GPR157: variants seen among roughly 807,000 people sequenced by gnomAD.
The protein encoded by GPR157 is G protein-coupled receptor 157, also known as G-protein coupled receptor 157.
GPR157 carries 16 observed loss-of-function variants against 23.5 expected under a neutral mutation model. The ratio of observed to expected loss-of-function variants is 0.68; its 90% confidence interval spans 0.46 to 1.04. The LOEUF (loss-of-function observed/expected upper bound fraction) is 1.04, where lower values mean the gene tolerates loss of function less well. GPR157 is among the 50% of genes least tolerant of loss of function. The pLI, the probability that GPR157 is intolerant of heterozygous loss-of-function variation, is 0.00. For missense variants in GPR157, 440 were observed against 460.7 expected (o/e 0.96, Z 0.41); for synonymous variants, 200 against 221.5 (o/e 0.90, Z 0.86).
Position 9,120,302 on chromosome 1 carries a change from C to T in GPR157, c.383+8343G>A, listed in dbSNP as rs1412190294. ...CAAACTTCATCCTTCCTACAGATCT[C>T]TGGGGGCTGGCACCTGCCAGGAGGA... On this transcript the variant is annotated intron_variant, in intron 1 of 3. Transcript: ENST00000377411. This position sits in a 1 kb window ranked among gnomAD's most constrained non-coding sequence, Gnocchi z 4.1. Among the ~76,000 whole-genome samples, 1 of 152,164 alleles carries T rather than the reference C, an allele frequency of 6.6e-6. No homozygotes were observed. Among genetic ancestry groups the T allele is most frequent in the Admixed American group, 6.5e-5 (1 of 15,276 alleles).
chr1:9,125,910 C>T (rs1056965431), intron 1 of GPR157, among the ~76,000 whole-genome samples: 1 of 151,368 alleles, frequency 6.6e-6, no homozygotes, highest in African/African-American at 2.4e-5. Context: ...TTCACACCAT[C>T]AATAATACTG....
At chr1:9,124,179 C>T (rs1447249186) in intron 1 of GPR157, among the ~76,000 whole-genome samples, 2 of 152,132 alleles carry the variant, frequency 1.3e-5, no homozygotes, top group African/African-American at 2.4e-5. Flanking sequence ...AAACCTGTTA[C>T]AGCCAAAAGA....
chr1:9,123,189 AT>A (rs1638840029), intron 1 of GPR157, among the ~76,000 whole-genome samples: 2 of 134,178 alleles, frequency 1.5e-5, no homozygotes, highest in Admixed American at 8.5e-5. Flanking sequence ...ATATATATAT[AT>A]ATAAATAAAA....
rs1009333522 is a variant in GPR157 at position 9,120,573 on chromosome 1, G to A, written c.383+8072C>T. Among the ~76,000 whole-genome samples the A allele has an allele frequency of 8.5e-5, 13 of 152,178 alleles. No individual in the cohort carries two copies. The highest frequency in any genetic ancestry group is 3.1e-4 in the African/African-American group (13 of 41,424). ...TGGACACTTATTGTCCAGCTCCAGC[G>A]GCAGAAGGGTCAGGACTTGGGAGAA... On this transcript the variant is annotated intron_variant, in intron 1 of 3. Coordinates refer to ENST00000377411, the MANE Select transcript of GPR157 (RefSeq NM_024980.5). The surrounding 1 kb of genome is among the most constrained non-coding windows in gnomAD (Gnocchi z 4.1).
chr1:9,125,214 T>C (rs1638939030), intron 1 of GPR157, among the ~76,000 whole-genome samples: 2 of 152,062 alleles, frequency 1.3e-5, no homozygotes, highest in Admixed American at 1.3e-4. Context: ...GGTTACTTTT[T>C]TTTTCTTTTT....
chr1:9,121,597 G>A (rs550896848), intron 1 of GPR157, among the ~76,000 whole-genome samples: 78 of 146,676 alleles, frequency 5.3e-4, no homozygotes, highest in Middle Eastern at 4.0e-3. Context: ...CCGAGATTGC[G>A]CCACTTCACT....
Position 9,104,384 on chromosome 1 carries a change from C to CA in GPR157, c.*34dup. 1 of 1,533,098 alleles carries CA rather than the reference C, an allele frequency of 6.5e-7. No individual in the cohort carries two copies. Among genetic ancestry groups the CA allele is most frequent in the Middle Eastern group, 1.7e-4 (1 of 5,840 alleles). 95.0% of individuals were successfully genotyped at this position (1,533,098 alleles called of 1,614,324 possible). ...ACAGAAGTGCCTACCCCCAGGAAGG[C>CA]AGCACCTATGCACAGAACTAGAAAG... is the stretch of plus-strand genomic sequence containing the variant. On this transcript the variant is annotated 3_prime_UTR_variant, in exon 4 of 4. Coordinates refer to ENST00000377411, the MANE Select transcript of GPR157 (RefSeq NM_024980.5).
rs1246035322 is a variant in GPR157, at chr1:9,123,214, T to A, written c.383+5431A>T. 3.7e-4 allele frequency among the ~76,000 whole-genome samples: 47 copies of A among 126,656 alleles called. 1 individual carries two copies. Among genetic ancestry groups the A allele is most frequent in the Non-Finnish European group, 5.9e-4 (37 of 62,414 alleles). 83.1% of individuals were successfully genotyped at this position (126,656 alleles called of 152,430 possible). On this transcript the variant is annotated intron_variant, in intron 1 of 3. Coordinates refer to ENST00000377411, the MANE Select transcript of GPR157 (RefSeq NM_024980.5). ...ATATAAATAAAATTTATATATATATTTATTAAAATATATATTTAAATATAT... is the reference window on the plus strand; with the variant it reads ...ATATAAATAAAATTTATATATATATATATTAAAATATATATTTAAATATAT...
rs746248120 is a variant in GPR157 at position 9,105,660 on chromosome 1, G to A, written c.618C>T (p.Tyr206=). ...GGTGCTCCTGGGAGAGGATGGGCCG[G>A]TACTCAGAGAGTGCCGTGTGCTGTG... ...INRAHTALSE[Y]RPILSQEHRL... is the part of the protein sequence containing the mutation. Residue 206 remains tyrosine (Y), a synonymous_variant, in exon 3 of 4, where the codon TAC becomes TAT. Coordinates refer to ENST00000377411, the MANE Select transcript of GPR157 (RefSeq NM_024980.5). The surrounding 1 kb of genome is among the most constrained non-coding windows in gnomAD (Gnocchi z 4.8). 10 of 1,611,504 alleles carry A rather than the reference G, an allele frequency of 6.2e-6. No homozygotes were observed. Among genetic ancestry groups the A allele is most frequent in the East Asian group, 2.2e-5 (1 of 44,822 alleles).
chr1:9,116,328 A>T (rs1248951240), intron 1 of GPR157, among the ~76,000 whole-genome samples: 2 of 18,442 alleles, frequency 1.1e-4, no homozygotes, highest in Non-Finnish European at 7.8e-5. Flanking sequence ...ATATATATAA[A>T]TTATATATAA....
At position 9,105,125 on chromosome 1, in the gene GPR157, C is replaced by A. The variant is rs1638261609; in HGVS notation, c.792+361G>T. Among the ~76,000 whole-genome samples, 1 of 151,318 alleles carries A rather than the reference C, an allele frequency of 6.6e-6. No individual in the cohort carries two copies. The highest frequency in any genetic ancestry group is 1.5e-5 in the Non-Finnish European group (1 of 67,922). Reference sequence around the variant, plus strand: ...TGGGGTAGCTGGGAAGTGCTGTGTACCCCAGAACCTCCCCCCATCCTCCCC... The same window carrying A: ...TGGGGTAGCTGGGAAGTGCTGTGTAACCCAGAACCTCCCCCCATCCTCCCC... On this transcript the variant is annotated intron_variant, in intron 3 of 3. Transcript: ENST00000377411. The surrounding 1 kb of genome is among the most constrained non-coding windows in gnomAD (Gnocchi z 4.8).
chr1:9,118,434 A>G lies in GPR157; in HGVS notation c.384-6945T>C, dbSNP rs1442008784. The stretch of plus-strand genomic sequence containing the variant: ...AAGCTGAGCCTGCCTGGACGGAGGA[A>G]GCCCGGGACAGCCACCTCGTGTGTA... On this transcript the variant is annotated intron_variant, in intron 1 of 3. Coordinates refer to ENST00000377411, the MANE Select transcript of GPR157 (RefSeq NM_024980.5). This position sits in a 1 kb window ranked among gnomAD's most constrained non-coding sequence, Gnocchi z 4.6. 6.6e-6 allele frequency among the ~76,000 whole-genome samples: 1 copy of G among 152,118 alleles called. No homozygotes were observed. Among genetic ancestry groups the G allele is most frequent in the Non-Finnish European group, 1.5e-5 (1 of 68,016 alleles).
intron 1 of GPR157, among the ~76,000 whole-genome samples, chr1:9,123,275 AATATATATTTAAATT>A (rs1557700669): frequency 8.4e-4 from 21 of 25,134 alleles, no homozygotes; most frequent in African/African-American, 2.0e-3. Context: ...TATATATTTA[AATATATATTTAAATT>A]AATATATATT....
rs1048122452 is a variant in GPR157, at chr1:9,105,409, C to T, written c.792+77G>A. ...GCCTTGGCCGACACTGGGGTGCAGC[C>T]ACTGTGCTGCGGGAAGGAATCAGGC... is the stretch of plus-strand genomic sequence containing the variant. On this transcript the variant is annotated intron_variant, in intron 3 of 3. Transcript: ENST00000377411. The surrounding 1 kb of genome is among the most constrained non-coding windows in gnomAD (Gnocchi z 4.8). 13 of 1,321,144 alleles carry T rather than the reference C, an allele frequency of 9.8e-6. No homozygotes were observed. The highest frequency in any genetic ancestry group is 4.4e-5 in the African/African-American group (3 of 67,956). 81.8% of individuals were successfully genotyped at this position (1,321,144 alleles called of 1,614,324 possible).
rs370004842 is a variant in GPR157, at chr1:9,102,431, A to AAAAAAAG, written c.*1987_*1988insCTTTTTT. 1.5e-5 allele frequency: 2 copies of AAAAAAAG among 135,094 alleles called. No homozygotes were observed. Among genetic ancestry groups the AAAAAAAG allele is most frequent in the African/African-American group, 2.7e-5 (1 of 36,704 alleles). 8.4% of individuals were successfully genotyped at this position (135,094 alleles called of 1,614,324 possible). On this transcript the variant is annotated 3_prime_UTR_variant, in exon 4 of 4. Coordinates refer to ENST00000377411, the MANE Select transcript of GPR157 (RefSeq NM_024980.5). ...ATCTCAAAAAAAAAAAAAAAAAAAA[A>AAAAAAAG]GAAAGCGACAAAAAGAAATCCATTT...
chr1:9,111,073 G>A, intron 2 of GPR157: 3 of 632,010 alleles, frequency 4.7e-6, no homozygotes, highest in Non-Finnish European at 8.7e-6. Flanking sequence ...TAACGGGGCA[G>A]TGGGAACCAA....
chr1:9,104,330 A>T lies in GPR157; in HGVS notation c.*89T>A. Reference sequence around the variant, plus strand: ...AGCGGGGGCTTCTGGTGCAGCAGACATGCACTTCTGCCCCTGCAGCAGGGA... The same window carrying T: ...AGCGGGGGCTTCTGGTGCAGCAGACTTGCACTTCTGCCCCTGCAGCAGGGA... On this transcript the variant is annotated 3_prime_UTR_variant, in exon 4 of 4. Coordinates refer to ENST00000377411, the MANE Select transcript of GPR157 (RefSeq NM_024980.5). The T allele has an allele frequency of 2.1e-6, 2 of 933,910 alleles. No individual in the cohort carries two copies. Among genetic ancestry groups the T allele is most frequent in the Non-Finnish European group, 3.4e-6 (2 of 594,096 alleles). The allele number at this position is 933,910 out of a possible 1,614,324, so 57.9% of individuals were successfully genotyped here.
Position 9,105,706 on chromosome 1 carries a change from T to G in GPR157, c.598-26A>C, listed in dbSNP as rs1638300053. 2 of 1,568,646 alleles carry G rather than the reference T, an allele frequency of 1.3e-6. No individual in the cohort carries two copies. Among genetic ancestry groups the G allele is most frequent in the Non-Finnish European group, 1.7e-6 (2 of 1,153,876 alleles). ...CTGTGTGGGGACAGCGAGGGCAGAC[T>G]TGAGTGGATAGGCACCCTCCCGCCA... On this transcript the variant is annotated intron_variant, in intron 2 of 3. Coordinates refer to ENST00000377411, the MANE Select transcript of GPR157 (RefSeq NM_024980.5). This position sits in a 1 kb window ranked among gnomAD's most constrained non-coding sequence, Gnocchi z 4.8.
At chr1:9,117,727 A>C (rs1247642510) in intron 1 of GPR157, among the ~76,000 whole-genome samples, 1 of 152,100 alleles carries the variant, frequency 6.6e-6, no homozygotes, top group African/African-American at 2.4e-5. Context: ...GCGCCACTGT[A>C]CTCCAGCCTG....
Sources: gnomAD v4.1 joint callset for allele counts (sites outside exome capture counted in the v4.1 genomes callset) on GRCh38, gnomAD v4.1.1 for gene constraint, Gnocchi (gnomAD v3.1) non-coding constraint, MANE v1.5 for transcripts, NCBI Gene and HGNC (gene_info 2026-07-23, HGNC 2026-07-21) for gene names.